The following ROR1 variants were observed in gnomAD, a reference collection of about 807,000 sequenced individuals.
ROR1 encodes the protein inactive tyrosine-protein kinase transmembrane receptor ROR1.
In ROR1, 19 loss-of-function variants were observed where a neutral mutation model predicts 78.8. The observed-to-expected ratio is 0.24, with a 90% CI of 0.17 to 0.35. The LOEUF is 0.35. ROR1 is among the 10% of genes least tolerant of loss of function. ROR1 has a pLI of 1.00. For synonymous variants in ROR1, 386 were observed against 433.6 expected, an observed-to-expected ratio of 0.89 and a Z score of 1.36; for missense variants, 917 against 1,177.8, an observed-to-expected ratio of 0.78 and a Z score of 3.24.
rs534414796 is a variant in ROR1 at position 63,788,202 on chromosome 1, CT to C, written c.91+13701del. On this transcript the variant is annotated intron_variant, in intron 1 of 8. Transcript: ENST00000371079. ...ATAACAAAATGAAGTGGGTGTTATC[CT>C]TTTTTTAAAGCTAAGAGGAAGCAGT... Among the ~76,000 whole-genome samples, 275 of 152,262 alleles carry C rather than the reference CT, an allele frequency of 1.8e-3. 1 individual carries two copies. The highest frequency in any genetic ancestry group is 6.1e-3 in the African/African-American group (252 of 41,554).
intron 1 of ROR1, among the ~76,000 whole-genome samples, chr1:63,926,489 C>A (rs1426638712): frequency 6.6e-6 from 1 of 151,916 alleles, no homozygotes; most frequent in Admixed American, 6.6e-5. Flanking sequence ...CTTGGCGATG[C>A]GGGCTCTTTT....
intron 1 of ROR1, among the ~76,000 whole-genome samples, chr1:63,996,317 C>T (rs763582183): frequency 2.0e-5 from 3 of 152,154 alleles, no homozygotes; most frequent in South Asian, 2.1e-4. Context: ...AAGAGATTCT[C>T]GTCCCAACTT....
intron 4 of ROR1, among the ~76,000 whole-genome samples, chr1:64,056,068 A>G (rs1453676147): frequency 6.6e-6 from 1 of 152,188 alleles, no homozygotes; most frequent in South Asian, 2.1e-4. Context: ...CATTTCGTTT[A>G]TCCATTTTTC....
intron 1 of ROR1, among the ~76,000 whole-genome samples, chr1:63,829,062 G>C (rs1278235870): frequency 6.6e-6 from 1 of 152,214 alleles, no homozygotes; most frequent in Non-Finnish European, 1.5e-5. Context: ...ACCAGGACAG[G>C]TGTTTCTGTC....
intron 1 of ROR1, among the ~76,000 whole-genome samples, chr1:63,853,503 A>T (rs889087057): frequency 6.6e-6 from 1 of 152,196 alleles, no homozygotes; most frequent in East Asian, 1.9e-4. Context: ...AGGAATGCTC[A>T]GCTGGTATAA....
chr1:63,885,929 A>G (rs1454820809), intron 1 of ROR1, among the ~76,000 whole-genome samples: 3 of 152,164 alleles, frequency 2.0e-5, no homozygotes, highest in Admixed American at 6.5e-5. Context: ...TTATTATTAC[A>G]TTGTAGTAAA....
chr1:64,039,096 C>T (rs767370210), intron 2 of ROR1, among the ~76,000 whole-genome samples: 2 of 152,208 alleles, frequency 1.3e-5, no homozygotes, highest in Non-Finnish European at 2.9e-5. Flanking sequence ...GGGCCTTCAC[C>T]ATTGCACTGC....
At chr1:64,143,011 G>A (rs1649370448) in intron 7 of ROR1, 3 of 1,092,570 alleles carry the variant, frequency 2.7e-6, no homozygotes, top group Non-Finnish European at 3.4e-6. Context: ...AAGGAATATT[G>A]GAAGCAGGAA....
At chr1:63,830,102 A>G (rs1644978354) in intron 1 of ROR1, among the ~76,000 whole-genome samples, 1 of 152,164 alleles carries the variant, frequency 6.6e-6, no homozygotes, top group South Asian at 2.1e-4. Context: ...CTAGAGACAT[A>G]TATGTTTGCA....
chr1:63,789,064 G>T (rs1469185078), intron 1 of ROR1: 3 of 620,406 alleles, frequency 4.8e-6, no homozygotes, highest in African/African-American at 3.7e-5. Context: ...GTACCCTTTC[G>T]CTTACCTATG....
At chr1:64,055,163 C>G (rs554798514) in intron 4 of ROR1, among the ~76,000 whole-genome samples, 1 of 152,272 alleles carries the variant, frequency 6.6e-6, no homozygotes, top group African/African-American at 2.4e-5. Context: ...ACCCATAACA[C>G]TTGATATTGC....
intron 1 of ROR1, among the ~76,000 whole-genome samples, chr1:63,972,553 A>T (rs1207662619): frequency 6.6e-6 from 1 of 152,200 alleles, no homozygotes; most frequent in East Asian, 1.9e-4. Flanking sequence ...ACTAGCATTA[A>T]GCAAACATAG....
chr1:63,939,712 T>C (rs78400920), intron 1 of ROR1, among the ~76,000 whole-genome samples: 2,037 of 152,212 alleles, frequency 0.013, 46 homozygotes, highest in African/African-American at 0.047. Flanking sequence ...ACACCTACCA[T>C]GGAGGGGTGT....
At chr1:63,834,512 G>C (rs1278223202) in intron 1 of ROR1, among the ~76,000 whole-genome samples, 1 of 152,116 alleles carries the variant, frequency 6.6e-6, no homozygotes, top group East Asian at 1.9e-4. Flanking sequence ...CTATAAAATA[G>C]CATTTTTAAA....
At chr1:64,059,991 A>G (rs1646904524) in intron 4 of ROR1, among the ~76,000 whole-genome samples, 1 of 53,418 alleles carries the variant, frequency 1.9e-5, no homozygotes, top group Non-Finnish European at 3.6e-5. Context: ...CATTCTTAAC[A>G]AGCGTTAGTT....
intron 8 of ROR1, among the ~76,000 whole-genome samples, chr1:64,161,505 G>A (rs1246191770): frequency 1.3e-5 from 2 of 152,244 alleles, no homozygotes; most frequent in African/African-American, 4.8e-5. Flanking sequence ...GTCTCTGAAT[G>A]ATGTAGCCCT....
chr1:63,877,635 A>G (rs1645296446), intron 1 of ROR1, among the ~76,000 whole-genome samples: 1 of 152,174 alleles, frequency 6.6e-6, no homozygotes, highest in African/African-American at 2.4e-5. Flanking sequence ...AGACTCAGTA[A>G]GTAAATAGCA....
chr1:64,092,238 A>G (rs1647205540), intron 4 of ROR1, among the ~76,000 whole-genome samples: 1 of 152,030 alleles, frequency 6.6e-6, no homozygotes, highest in Admixed American at 6.6e-5. Flanking sequence ...AGCAGTTTAT[A>G]TCCAACTATG....
At chr1:63,994,496 A>T (rs1371769520) in intron 1 of ROR1, among the ~76,000 whole-genome samples, 1 of 152,138 alleles carries the variant, frequency 6.6e-6, no homozygotes, top group Admixed American at 6.6e-5. Flanking sequence ...TTTTGTGTCA[A>T]ACTTTGAAAA....
Sources: gnomAD v4.1 joint callset for allele counts (sites outside exome capture counted in the v4.1 genomes callset) on GRCh38, gnomAD v4.1.1 for gene constraint, MANE v1.5 for transcripts, NCBI Gene and HGNC (gene_info 2026-07-23, HGNC 2026-07-21) for gene names.